The following SCHIP1 variants were observed in gnomAD, a reference collection of about 807,000 sequenced individuals.
SCHIP1 encodes schwannomin interacting protein 1.
SCHIP1 carries 8 observed loss-of-function variants against 29.7 expected under a neutral mutation model. The ratio of observed to expected loss-of-function variants is 0.27; its 90% CI spans 0.16 to 0.49. The LOEUF is 0.49. Ranked by LOEUF, SCHIP1 falls within the 20% of genes least tolerant of loss-of-function variation. SCHIP1 has a pLI of 0.99. For synonymous variants in SCHIP1, 76 were observed against 94.9 expected (o/e 0.80, Z 1.16); for missense variants, 193 against 294.6 (o/e 0.66, Z 2.52).
chr3:159,307,225 T>C, the SCHIP1 span, among the ~76,000 whole-genome samples: 1 of 152,194 alleles, frequency 6.6e-6, no homozygotes, highest in African/African-American at 2.4e-5. Context: ...ATTGGGAACA[T>C]GTTAATGGCC....
the SCHIP1 span, among the ~76,000 whole-genome samples, chr3:159,700,826 A>ACAG: frequency 6.6e-6 from 1 of 151,958 alleles, no homozygotes; most frequent in African/African-American, 2.4e-5. Flanking sequence ...AAAAAAAAAA[A>ACAG]AGAGAGATGC....
the SCHIP1 span, among the ~76,000 whole-genome samples, chr3:159,699,983 C>A: frequency 3.3e-5 from 5 of 152,088 alleles, no homozygotes; most frequent in African/African-American, 1.2e-4. Flanking sequence ...ACAATGGGTG[C>A]AATTGGTGCT....
the SCHIP1 span, among the ~76,000 whole-genome samples, chr3:159,473,674 G>GAACAAA: frequency 1.2e-5 from 1 of 81,446 alleles, no homozygotes; most frequent in Non-Finnish European, 2.4e-5. Flanking sequence ...ATGTAACTAC[G>GAACAAA]AAAAAAAAAA....
the SCHIP1 span, among the ~76,000 whole-genome samples, chr3:159,330,010 G>A: frequency 6.6e-6 from 1 of 152,130 alleles, no homozygotes; most frequent in Non-Finnish European, 1.5e-5. Context: ...GTCAATATGT[G>A]CAGTTTGATG....
At chr3:159,320,607 C>T in the SCHIP1 span, among the ~76,000 whole-genome samples, 3 of 150,272 alleles carry the variant, frequency 2.0e-5, no homozygotes, top group Non-Finnish European at 3.0e-5. Context: ...TGGTAAGTTC[C>T]TTTTTTTTTT....
At chr3:159,847,030 C>T (rs1711939014) in intron 1 of SCHIP1, among the ~76,000 whole-genome samples, 2 of 152,068 alleles carry the variant, frequency 1.3e-5, no homozygotes, top group African/African-American at 4.8e-5. Flanking sequence ...CACATCATTT[C>T]TATTTAAAGT....
intron 1 of SCHIP1, among the ~76,000 whole-genome samples, chr3:159,859,792 C>G (rs1337294931): frequency 1.3e-5 from 2 of 152,206 alleles, no homozygotes; most frequent in Admixed American, 1.3e-4. Flanking sequence ...AGCTGTGGTT[C>G]TCAAAGTGCC....
chr3:159,618,619 C>T, the SCHIP1 span, among the ~76,000 whole-genome samples: 2 of 152,334 alleles, frequency 1.3e-5, no homozygotes, highest in South Asian at 2.1e-4. Context: ...AGTAGTCCTT[C>T]TACCAACTTT....
chr3:159,634,042 A>C, the SCHIP1 span, among the ~76,000 whole-genome samples: 1 of 152,218 alleles, frequency 6.6e-6, no homozygotes, highest in Admixed American at 6.5e-5. Context: ...ATTTAACCAA[A>C]GATTGTGACA....
chr3:159,839,902 G>A, exon 1 of SCHIP1: 1 of 1,397,464 alleles, frequency 7.2e-7, no homozygotes, highest in Non-Finnish European at 9.2e-7. Context: ...TTGTGCGGGT[G>A]ATGAGCGCCC....
At chr3:159,321,909 ACT>A in the SCHIP1 span, among the ~76,000 whole-genome samples, 1 of 152,148 alleles carries the variant, frequency 6.6e-6, no homozygotes, top group Non-Finnish European at 1.5e-5. Context: ...AAATTATATT[ACT>A]AACTCTTTTT....
chr3:159,726,999 C>T, the SCHIP1 span, among the ~76,000 whole-genome samples: 1 of 152,140 alleles, frequency 6.6e-6, no homozygotes, highest in Admixed American at 6.5e-5. Flanking sequence ...AGGAAGCTTA[C>T]ATTAAAAGCC....
the SCHIP1 span, among the ~76,000 whole-genome samples, chr3:159,644,653 G>A: frequency 3.3e-5 from 5 of 152,052 alleles, no homozygotes; most frequent in Non-Finnish European, 7.4e-5. Context: ...AAGTAAACAA[G>A]GTAGACCACA....
chr3:159,741,193 A>G, the SCHIP1 span, among the ~76,000 whole-genome samples: 1 of 152,224 alleles, frequency 6.6e-6, no homozygotes, highest in Non-Finnish European at 1.5e-5. Context: ...TAATGTGAAT[A>G]TAAAAATAGA....
chr3:159,278,586 G>T, the SCHIP1 span, among the ~76,000 whole-genome samples: 1 of 152,088 alleles, frequency 6.6e-6, no homozygotes, highest in Non-Finnish European at 1.5e-5. Context: ...AATCTGTATA[G>T]CTATAGCTGC....
At chr3:159,599,817 T>C in the SCHIP1 span, among the ~76,000 whole-genome samples, 6 of 152,160 alleles carry the variant, frequency 3.9e-5, no homozygotes, top group Admixed American at 2.6e-4. Flanking sequence ...CATCAGCGAG[T>C]TTTATGCTTT....
At chr3:159,677,540 A>G in the SCHIP1 span, among the ~76,000 whole-genome samples, 1 of 152,212 alleles carries the variant, frequency 6.6e-6, no homozygotes, top group Non-Finnish European at 1.5e-5. Flanking sequence ...TCTTCCAGGT[A>G]GGTATGAAGG....
At chr3:159,577,787 A>G in the SCHIP1 span, among the ~76,000 whole-genome samples, 4 of 152,216 alleles carry the variant, frequency 2.6e-5, no homozygotes, top group Non-Finnish European at 5.9e-5. Context: ...TTCACTGTGA[A>G]GGAGCAGATA....
the SCHIP1 span, among the ~76,000 whole-genome samples, chr3:159,316,422 G>T: frequency 2.0e-5 from 3 of 152,130 alleles, no homozygotes; most frequent in Non-Finnish European, 4.4e-5. Flanking sequence ...TATATTTGCT[G>T]GAAGCTGATT....
Sources: gnomAD v4.1 joint callset for allele counts (sites outside exome capture counted in the v4.1 genomes callset) on GRCh38, gnomAD v4.1.1 for gene constraint, MANE v1.5 for transcripts, NCBI Gene and HGNC (gene_info 2026-07-23, HGNC 2026-07-21) for gene names.